FCHSD2: variants seen among roughly 807,000 people sequenced by gnomAD.
The protein encoded by FCHSD2 is F-BAR and double SH3 domains protein 2.
In FCHSD2, 38 loss-of-function variants were observed where a neutral mutation model predicts 108.1. That is an observed-to-expected ratio of 0.35 (90% CI 0.27 to 0.46). The LOEUF is 0.46. Ranked by LOEUF, FCHSD2 falls within the 20% of genes least tolerant of loss-of-function variation. The pLI is 1.00. For missense variants in FCHSD2, 751 were observed against 897.8 expected (o/e 0.84, Z 2.09); for synonymous variants, 279 against 314.7 (o/e 0.89, Z 1.20).
intron 12 of FCHSD2, among the ~76,000 whole-genome samples, chr11:72,868,805 A>T (rs1447120691): frequency 6.6e-6 from 1 of 152,216 alleles, no homozygotes; most frequent in Non-Finnish European, 1.5e-5. Context: ...TTACATGGCA[A>T]ATATTCTCAA....
At chr11:73,130,295 G>A (rs1860965934) in intron 2 of FCHSD2, among the ~76,000 whole-genome samples, 1 of 152,186 alleles carries the variant, frequency 6.6e-6, no homozygotes. Flanking sequence ...TGCCCAGGCT[G>A]GAGTGTAGTG....
intron 12 of FCHSD2, among the ~76,000 whole-genome samples, chr11:72,872,335 G>T (rs1854879397): frequency 7.5e-6 from 1 of 134,014 alleles, no homozygotes; most frequent in South Asian, 2.3e-4. Context: ...TTTCAAGTCT[G>T]AAATTCAGTG....
chr11:73,043,696 T>A (rs1858693466), intron 3 of FCHSD2, among the ~76,000 whole-genome samples: 1 of 152,212 alleles, frequency 6.6e-6, no homozygotes, highest in Admixed American at 6.5e-5. Context: ...AAATTAGATG[T>A]GACTATGTGA....
chr11:72,839,303 T>C (rs1170067531), intron 19 of FCHSD2, among the ~76,000 whole-genome samples: 1 of 152,142 alleles, frequency 6.6e-6, no homozygotes, highest in Admixed American at 6.5e-5. Flanking sequence ...AACATCTGCT[T>C]TAAGAAGAAA....
intron 8 of FCHSD2, among the ~76,000 whole-genome samples, chr11:72,936,209 A>G (rs1856297232): frequency 6.6e-6 from 1 of 152,174 alleles, no homozygotes; most frequent in African/African-American, 2.4e-5. Flanking sequence ...AACCATTTCT[A>G]TGTTCTACCA....
chr11:72,882,912 C>T (rs912835492), intron 12 of FCHSD2, among the ~76,000 whole-genome samples: 14 of 152,152 alleles, frequency 9.2e-5, no homozygotes, highest in South Asian at 4.1e-4. Flanking sequence ...ATTATACTAT[C>T]TGATTTCAAG....
At chr11:72,855,629 A>G (rs1208263357) in intron 13 of FCHSD2, among the ~76,000 whole-genome samples, 1 of 152,252 alleles carries the variant, frequency 6.6e-6, no homozygotes, top group African/African-American at 2.4e-5. Context: ...CTCTTCTGAA[A>G]TGTAACACAA....
At chr11:72,913,100 G>C (rs1855796044) in intron 9 of FCHSD2, among the ~76,000 whole-genome samples, 1 of 152,008 alleles carries the variant, frequency 6.6e-6, no homozygotes. Context: ...GATCTCATGA[G>C]GACTCACTCA....
At chr11:73,009,706 C>T (rs1203979174) in intron 4 of FCHSD2, among the ~76,000 whole-genome samples, 1 of 151,162 alleles carries the variant, frequency 6.6e-6, no homozygotes, top group Non-Finnish European at 1.5e-5. Context: ...TCTTTCAGTA[C>T]TTTGAATATA....
chr11:73,084,244 G>C (rs1859762824), intron 2 of FCHSD2, among the ~76,000 whole-genome samples: 1 of 152,154 alleles, frequency 6.6e-6, no homozygotes, highest in African/African-American at 2.4e-5. Context: ...TTCTGAATAT[G>C]AAAAATGCTC....
At position 72,966,412 on chromosome 11, in the gene FCHSD2, G is replaced by A. The variant is rs1209158087; in HGVS notation, c.705+17676C>T. On this transcript the variant is annotated intron_variant, in intron 8 of 19. Transcript: ENST00000409418. ...TGATCTCAAGTGATCCTCCTGCTTC[G>A]GCTTCCCAAAGTGCTGGGATTACAA... Among the ~76,000 whole-genome samples the A allele has an allele frequency of 5.9e-5, 9 of 152,118 alleles. No homozygotes were observed. The East Asian group carries it at 1.4e-3, about 23-fold the overall frequency.
At chr11:73,110,995 T>C (rs1860470514) in intron 2 of FCHSD2, among the ~76,000 whole-genome samples, 1 of 152,224 alleles carries the variant, frequency 6.6e-6, no homozygotes, top group Non-Finnish European at 1.5e-5. Context: ...TTATTCTTGT[T>C]ATTGATTTCT....
intron 8 of FCHSD2, among the ~76,000 whole-genome samples, chr11:72,923,307 G>A (rs1434272504): frequency 6.6e-6 from 1 of 151,992 alleles, no homozygotes; most frequent in Non-Finnish European, 1.5e-5. Context: ...ATTTCTCTTG[G>A]GAATATACCC....
At chr11:72,885,539 C>A (rs1565305637) in intron 12 of FCHSD2, among the ~76,000 whole-genome samples, 1 of 152,108 alleles carries the variant, frequency 6.6e-6, no homozygotes, top group Admixed American at 6.6e-5. Context: ...ACTGCTACTA[C>A]TGGGGATGGC....
chr11:73,066,016 T>A (rs1401638084), intron 3 of FCHSD2, among the ~76,000 whole-genome samples: 1 of 152,118 alleles, frequency 6.6e-6, no homozygotes, highest in African/African-American at 2.4e-5. Flanking sequence ...TTAAAGTTCA[T>A]ATGGAACCAA....
At chr11:73,047,553 A>G (rs1858798222) in intron 3 of FCHSD2, among the ~76,000 whole-genome samples, 1 of 152,220 alleles carries the variant, frequency 6.6e-6, no homozygotes, top group Non-Finnish European at 1.5e-5. Flanking sequence ...GCCAAGGATA[A>G]TGCAAAAAGA....
chr11:73,133,737 G>A (rs745730403), intron 2 of FCHSD2, among the ~76,000 whole-genome samples: 8 of 141,516 alleles, frequency 5.7e-5, no homozygotes, highest in East Asian at 2.0e-4. Context: ...AGGTTACAAC[G>A]AGCCGGCATC....
intron 12 of FCHSD2, among the ~76,000 whole-genome samples, chr11:72,881,588 CCT>C (rs1391911868): frequency 3.3e-5 from 5 of 152,110 alleles, no homozygotes; most frequent in Non-Finnish European, 7.4e-5. Context: ...ACCTTCATCC[CCT>C]GTTTATTACA....
intron 8 of FCHSD2, among the ~76,000 whole-genome samples, chr11:72,956,488 A>T (rs964507334): frequency 3.9e-5 from 6 of 152,194 alleles, no homozygotes; most frequent in African/African-American, 1.4e-4. Flanking sequence ...ACTTATAATC[A>T]ACAGGTTATT....
Sources: gnomAD v4.1 joint callset for allele counts (sites outside exome capture counted in the v4.1 genomes callset) on GRCh38, gnomAD v4.1.1 for gene constraint, MANE v1.5 for transcripts, NCBI Gene and HGNC (gene_info 2026-07-23, HGNC 2026-07-21) for gene names.